USP42: variants seen among roughly 807,000 people sequenced by gnomAD.
USP42 encodes ubiquitin carboxyl-terminal hydrolase 42.
Under a neutral mutation model 113.0 loss-of-function variants are expected in USP42, and 23 were observed. The observed-to-expected ratio is 0.20, with a 90% CI of 0.15 to 0.29. The LOEUF is 0.29. Among genes scored for constraint, USP42 ranks in the 10% least tolerant of loss-of-function variants. The pLI, the probability that USP42 is intolerant of heterozygous loss-of-function variation, is 1.00. For missense variants in USP42, 2,174 were observed against 1,779.8 expected, an observed-to-expected ratio of 1.22 and a Z score of -3.99; for synonymous variants, 933 against 699.0, an observed-to-expected ratio of 1.33 and a Z score of -5.28.
intron 3 of USP42, among the ~76,000 whole-genome samples, chr7:6,124,776 A>G (rs904300867): frequency 4.7e-5 from 7 of 150,018 alleles, no homozygotes; most frequent in Non-Finnish European, 1.0e-4. Context: ...CTTCTTTTGG[A>G]TTGATATATG....
intron 14 of USP42, among the ~76,000 whole-genome samples, chr7:6,153,390 A>C (rs1235912719): frequency 1.3e-5 from 2 of 152,166 alleles, no homozygotes; most frequent in Non-Finnish European, 2.9e-5. Flanking sequence ...GTTTTGAAAA[A>C]TAGGCTAGGA....
intron 3 of USP42, among the ~76,000 whole-genome samples, chr7:6,130,635 C>T (rs748904301): frequency 2.0e-5 from 3 of 152,140 alleles, no homozygotes; most frequent in African/African-American, 7.2e-5. Context: ...TTGCTACAGC[C>T]TGTTGAGTGT....
intron 4 of USP42, among the ~76,000 whole-genome samples, chr7:6,138,447 C>G (rs1781265492): frequency 6.6e-6 from 1 of 152,162 alleles, no homozygotes; most frequent in Non-Finnish European, 1.5e-5. Context: ...ACCAGCATAG[C>G]ATTTTGGACA....
Position 6,154,491 on chromosome 7 carries a change from G to A in USP42, c.2937G>A (p.Arg979=), listed in dbSNP as rs1251679396. ...GCAAGACTGAGGGCCACCGTCACCG[G>A]CGGCGCCGCACCTGCCCCCGGGAGC... ...SRSKTEGHRH[R]RRRTCPRERD... Residue 979 remains arginine (R), a synonymous_variant, in exon 15 of 18, where the codon CGG becomes CGA. Coordinates refer to ENST00000306177, the MANE Select transcript of USP42 (RefSeq NM_032172.3). 1 of 1,546,748 alleles carries A rather than the reference G, an allele frequency of 6.5e-7. No homozygotes were observed. The highest frequency in any genetic ancestry group is 1.2e-5 in the South Asian group (1 of 83,990).
At chr7:6,119,412 A>G (rs748399274) in intron 3 of USP42, among the ~76,000 whole-genome samples, 37 of 152,170 alleles carry the variant, frequency 2.4e-4, no homozygotes, top group African/African-American at 8.0e-4. Context: ...TGGTGACTGC[A>G]GTGAGCCATT....
At position 6,139,080 on chromosome 7, in the gene USP42, G is replaced by A. The variant is rs761274857; in HGVS notation, c.554-12G>A. Reference sequence around the variant, plus strand: ...GTAATGATAAAGCCTTGTCTTTACCGAAATTTTACAGGTATAGCTAGGCAC... The same window carrying A: ...GTAATGATAAAGCCTTGTCTTTACCAAAATTTTACAGGTATAGCTAGGCAC... On this transcript the variant is annotated splice_polypyrimidine_tract_variant and intron_variant, in intron 4 of 17. Coordinates refer to ENST00000306177, the MANE Select transcript of USP42 (RefSeq NM_032172.3). This position sits in a 1 kb window ranked among gnomAD's most constrained non-coding sequence, Gnocchi z 4.5. 59 of 1,588,822 alleles carry A rather than the reference G, an allele frequency of 3.7e-5. No individual in the cohort carries two copies. Among genetic ancestry groups the A allele is most frequent in the Non-Finnish European group, 4.8e-5 (56 of 1,166,196 alleles).
At chr7:6,100,034 G>A (rs1481598790), upstream of USP42, among the ~76,000 whole-genome samples, 1 of 92,882 alleles carries the variant, frequency 1.1e-5, no homozygotes, top group Non-Finnish European at 2.1e-5. Flanking sequence ...ATTATTATTG[G>A]TAGAGACTGG....
chr7:6,130,936 G>C (rs1780817112), intron 3 of USP42, among the ~76,000 whole-genome samples: 1 of 152,110 alleles, frequency 6.6e-6, no homozygotes, highest in Non-Finnish European at 1.5e-5. Context: ...GGAAGAATTT[G>C]GGATTGGCTG....
At chr7:6,128,184 C>G (rs1780644547) in intron 3 of USP42, 1 of 151,768 alleles carries the variant, frequency 6.6e-6, no homozygotes, top group African/African-American at 2.4e-5. Context: ...AACTCCTAGC[C>G]TCAAGTGATC....
chr7:6,125,964 C>T (rs2107854), intron 3 of USP42, among the ~76,000 whole-genome samples: 25,543 of 152,010 alleles, frequency 0.17, 3,593 homozygotes, highest in East Asian at 0.72. Context: ...CCAGTGATAA[C>T]ACTGTAATGG....
chr7:6,156,709 G>A (rs1410729277), intron 15 of USP42, 45 bp from the exon 16 acceptor site: 1 of 1,496,714 alleles, frequency 6.7e-7, no homozygotes, highest in East Asian at 2.3e-5. Flanking sequence ...TGCTGCTGGT[G>A]GTTTTGTGTT....
At chr7:6,149,521 G>C in intron 12 of USP42, 62 bp from the exon 13 acceptor site, 2 of 1,531,558 alleles carry the variant, frequency 1.3e-6, no homozygotes, top group Non-Finnish European at 1.7e-6. Flanking sequence ...CAGCCAAAAT[G>C]GGTTCTGTTT....
At chr7:6,085,616 A>ATTT in the USP42 span, among the ~76,000 whole-genome samples, 1 of 138,372 alleles carries the variant, frequency 7.2e-6, no homozygotes, top group African/African-American at 2.9e-5. Context: ...ATATATATAT[A>ATTT]TATATATATT....
upstream of USP42, among the ~76,000 whole-genome samples, chr7:6,104,712 G>T (rs1779155756): frequency 6.6e-6 from 1 of 152,136 alleles, no homozygotes; most frequent in Admixed American, 6.5e-5. Context: ...TCCCTCTGCC[G>T]GCCCGACCGG....
intron 14 of USP42, chr7:6,152,939 T>C: frequency 1.0e-6 from 1 of 985,034 alleles, no homozygotes; most frequent in Non-Finnish European, 1.2e-6. Flanking sequence ...CTGTCATCAC[T>C]GGACTTTTTT....
chr7:6,141,315 G>A (rs1204882678), intron 7 of USP42, among the ~76,000 whole-genome samples: 8 of 145,798 alleles, frequency 5.5e-5, no homozygotes, highest in African/African-American at 7.7e-5. Flanking sequence ...CAATTCTTCT[G>A]CCTCAGCCTC....
chr7:6,137,971 G>A (rs979178523), intron 4 of USP42, among the ~76,000 whole-genome samples: 3 of 152,134 alleles, frequency 2.0e-5, no homozygotes, highest in Admixed American at 1.3e-4. Context: ...GAGCCACCAC[G>A]CCCGACCACA....
At chr7:6,104,549 T>C (rs1478027712), upstream of USP42, among the ~76,000 whole-genome samples, 2 of 152,212 alleles carry the variant, frequency 1.3e-5, no homozygotes, top group Non-Finnish European at 2.9e-5. Flanking sequence ...GCCCCGCTTC[T>C]GGAAACGCAT....
At chr7:6,092,053 CT>C in the USP42 span, among the ~76,000 whole-genome samples, 964 of 40,672 alleles carry the variant, frequency 0.024, 12 homozygotes, top group Admixed American at 0.037. Context: ...TCTTCTTCTT[CT>C]TTCTTCTTCT....
Sources: gnomAD v4.1 joint callset for allele counts (sites outside exome capture counted in the v4.1 genomes callset) on GRCh38, gnomAD v4.1.1 for gene constraint, Gnocchi (gnomAD v3.1) non-coding constraint, MANE v1.5 for transcripts, NCBI Gene and HGNC (gene_info 2026-07-23, HGNC 2026-07-21) for gene names.